Variants in MTURN observed in about 807,000 individuals in gnomAD.
The protein encoded by MTURN is maturin, neural progenitor differentiation regulator homolog, also known as maturin.
Under a neutral mutation model 14.9 loss-of-function variants are expected in MTURN, and 7 were observed. The observed-to-expected ratio is 0.47, with a 90% CI of 0.27 to 0.88. MTURN has a LOEUF of 0.88. Ranked by LOEUF, MTURN falls within the 40% of genes least tolerant of loss-of-function variation. MTURN has a pLI of 0.14. For synonymous variants in MTURN, 69 were observed against 72.5 expected, an observed-to-expected ratio of 0.95 and a Z score of 0.25; for missense variants, 151 against 174.1, an observed-to-expected ratio of 0.87 and a Z score of 0.75.
intron 2 of MTURN, among the ~76,000 whole-genome samples, chr7:30,152,241 T>G (rs940780915): frequency 1.3e-5 from 2 of 151,844 alleles, no homozygotes; most frequent in African/African-American, 4.8e-5. Flanking sequence ...AGAGAGTGCC[T>G]CCTCCTGCCC....
chr7:30,150,603 A>C (rs964979384), intron 2 of MTURN, among the ~76,000 whole-genome samples: 7 of 152,232 alleles, frequency 4.6e-5, no homozygotes, highest in African/African-American at 1.4e-4. Flanking sequence ...TTTTTTAATG[A>C]AACTGTGGCT....
chr7:30,145,773 C>A, intron 1 of MTURN: 21 of 1,433,482 alleles, frequency 1.5e-5, no homozygotes, highest in Non-Finnish European at 1.9e-5. Context: ...CTTAATTAAT[C>A]TTTCAGCCGT....
chr7:30,146,058 A>G, intron 1 of MTURN, 119 bp from the exon 2 acceptor site: 2 of 1,596,126 alleles, frequency 1.3e-6, no homozygotes, highest in Non-Finnish European at 1.7e-6. Flanking sequence ...TTACTGTAGA[A>G]TGGAGGCCTT....
In MTURN at chr7:30,157,653, T is replaced by C; in HGVS notation, c.*105T>C. The C allele has an allele frequency of 1.5e-6, 1 of 671,808 alleles. No homozygotes were observed. Among genetic ancestry groups the C allele is most frequent in the Non-Finnish European group, 2.4e-6 (1 of 415,266 alleles). 41.6% of individuals were successfully genotyped at this position (671,808 alleles called of 1,614,324 possible). ...TGCATTAGCACTTCGAAATAGGACA[T>C]CTGGCTCCCAGCATCCAAATTAAAA... On this transcript the variant is annotated 3_prime_UTR_variant, in exon 3 of 3. Transcript: ENST00000324453.
intron 1 of MTURN, chr7:30,137,763 G>A (rs140607323): frequency 6.7e-6 from 3 of 446,304 alleles, no homozygotes; most frequent in African/African-American, 6.1e-5. Flanking sequence ...CCTGGAAAAT[G>A]TATTAAGCAT....
At chr7:30,155,992 A>G (rs549175112) in intron 2 of MTURN, among the ~76,000 whole-genome samples, 1 of 152,314 alleles carries the variant, frequency 6.6e-6, no homozygotes, top group South Asian at 2.1e-4. Flanking sequence ...AAGGTGCTTG[A>G]AATTGATGGC....
Position 30,162,248 on chromosome 7 carries a change from T to C in MTURN, c.*4700T>C, listed in dbSNP as rs1797385881. The C allele has an allele frequency of 6.6e-6, 1 of 152,178 alleles. No homozygotes were observed. Among genetic ancestry groups the C allele is most frequent in the South Asian group, 2.1e-4 (1 of 4,834 alleles). The allele number at this position is 152,178 out of a possible 1,614,324, so 9.4% of individuals were successfully genotyped here. A position where few individuals can be genotyped will look rare whatever the true frequency, so the allele number is the denominator to read the frequency against. On this transcript the variant is annotated 3_prime_UTR_variant, in exon 3 of 3. Coordinates refer to ENST00000324453, the MANE Select transcript of MTURN (RefSeq NM_152793.3). Reference sequence around the variant, plus strand: ...TTTGTAAACTGCCTTTCCCTGTTTTTCTGTTTTGTTTTGTTTCTCAAGTTT... The same window carrying C: ...TTTGTAAACTGCCTTTCCCTGTTTTCCTGTTTTGTTTTGTTTCTCAAGTTT...
At chr7:30,151,464 T>A (rs1340077531) in intron 2 of MTURN, among the ~76,000 whole-genome samples, 4 of 152,208 alleles carry the variant, frequency 2.6e-5, no homozygotes, top group Non-Finnish European at 5.9e-5. Flanking sequence ...TTCCCCACCA[T>A]CTTTTCATGT....
chr7:30,137,636 A>AC (rs1562566548), intron 1 of MTURN: 1 of 471,198 alleles, frequency 2.1e-6, no homozygotes, highest in South Asian at 1.5e-5. Context: ...GCTCTAATGG[A>AC]CAAGATGCCA....
intron 2 of MTURN, among the ~76,000 whole-genome samples, chr7:30,149,459 C>T (rs913181743): frequency 5.3e-5 from 8 of 152,118 alleles, no homozygotes; most frequent in African/African-American, 1.9e-4. Flanking sequence ...CCTTCCCGGA[C>T]TGGTAAAGAT....
At chr7:30,145,314 G>A (rs1000561852) in intron 1 of MTURN, among the ~76,000 whole-genome samples, 1 of 151,952 alleles carries the variant, frequency 6.6e-6, no homozygotes, top group South Asian at 2.1e-4. Flanking sequence ...GCAACATGGC[G>A]AAACCCTGTC....
chr7:30,138,506 G>A (rs1278942491), intron 1 of MTURN, among the ~76,000 whole-genome samples: 2 of 152,066 alleles, frequency 1.3e-5, no homozygotes, highest in African/African-American at 4.8e-5. Context: ...TAAAGTAGGG[G>A]CAGCTTAGAT....
In MTURN at chr7:30,161,934, A is replaced by G. The variant is rs567746017; in HGVS notation, c.*4386A>G. The G allele has an allele frequency of 1.6e-4, 24 of 152,212 alleles. No homozygotes were observed. The highest frequency in any genetic ancestry group is 5.5e-4 in the African/African-American group (23 of 41,536). The allele number at this position is 152,212 out of a possible 1,614,324, so 9.4% of individuals were successfully genotyped here. A position where few individuals can be genotyped will look rare whatever the true frequency, so the allele number is the denominator to read the frequency against. ...CTGGTAGCCTGTGGTGTCCATGGCAATGGGTGTCCATGGTAAAATATCTAT... is the reference window on the plus strand; with the variant it reads ...CTGGTAGCCTGTGGTGTCCATGGCAGTGGGTGTCCATGGTAAAATATCTAT... On this transcript the variant is annotated 3_prime_UTR_variant, in exon 3 of 3. Transcript: ENST00000324453.
chr7:30,135,650 C>G (rs1796940821), intron 1 of MTURN, among the ~76,000 whole-genome samples: 1 of 152,266 alleles, frequency 6.6e-6, no homozygotes, highest in Admixed American at 6.5e-5. Context: ...ATGGAGCATC[C>G]CTGGGGTGTG....
At position 30,160,330 on chromosome 7, in the gene MTURN, A is replaced by G. The variant is rs1372693569; in HGVS notation, c.*2782A>G. 1 of 152,306 alleles carries G rather than the reference A, an allele frequency of 6.6e-6. No homozygotes were observed. The highest frequency in any genetic ancestry group is 2.4e-5 in the African/African-American group (1 of 41,456). The allele number at this position is 152,306 out of a possible 1,614,324, so 9.4% of individuals were successfully genotyped here. On this transcript the variant is annotated 3_prime_UTR_variant, in exon 3 of 3. Transcript: ENST00000324453. ...TGGGGCAGATGAAATTCTCTTCCTT[A>G]GAGGAAAGGGAAAGGTGAGGCCCCA...
At chr7:30,138,669 G>A (rs1411172031) in intron 1 of MTURN, among the ~76,000 whole-genome samples, 1 of 151,928 alleles carries the variant, frequency 6.6e-6, no homozygotes, top group Non-Finnish European at 1.5e-5. Flanking sequence ...TGTCTACCCA[G>A]CAGTCATTTT....
intron 2 of MTURN, among the ~76,000 whole-genome samples, chr7:30,147,065 C>G (rs1368571951): frequency 6.6e-6 from 1 of 152,210 alleles, no homozygotes; most frequent in Non-Finnish European, 1.5e-5. Flanking sequence ...CAAATCTGTT[C>G]TAATGCTGTC....
At chr7:30,155,885 C>G (rs1185008560) in intron 2 of MTURN, among the ~76,000 whole-genome samples, 1 of 152,170 alleles carries the variant, frequency 6.6e-6, no homozygotes, top group Non-Finnish European at 1.5e-5. Context: ...AAGGGGGTGG[C>G]AGGACACCAG....
At chr7:30,138,716 C>T (rs1332468593) in intron 1 of MTURN, among the ~76,000 whole-genome samples, 2 of 152,200 alleles carry the variant, frequency 1.3e-5, no homozygotes, top group African/African-American at 4.8e-5. Context: ...CATGTCACCA[C>T]TATCCCCCAC....
Sources: allele counts gnomAD v4.1 joint callset (sites outside exome capture counted in the v4.1 genomes callset), GRCh38; gene constraint gnomAD v4.1.1; transcripts MANE v1.5; gene names NCBI Gene and HGNC (gene_info 2026-07-23, HGNC 2026-07-21).